NTM: variants seen among roughly 807,000 people sequenced by gnomAD.
The protein encoded by NTM is IgLON family member 2.
In NTM, 13 loss-of-function variants were observed where a neutral mutation model predicts 42.1. That is an observed-to-expected ratio of 0.31 (90% CI 0.20 to 0.49). NTM has a LOEUF of 0.49. NTM is among the 20% of genes least tolerant of loss of function. NTM has a pLI of 0.99. For synonymous variants in NTM, 187 were observed against 179.2 expected, an observed-to-expected ratio of 1.04 and a Z score of -0.35; for missense variants, 373 against 452.8, an observed-to-expected ratio of 0.82 and a Z score of 1.60.
chr11:132,268,664 C>CTG lies in NTM; in HGVS notation c.527-39024_527-39023insGT, dbSNP rs1396992687. Among the ~76,000 whole-genome samples the CTG allele has an allele frequency of 2.7e-3, 157 of 57,160 alleles. 1 individual carries two copies. Among genetic ancestry groups the CTG allele is most frequent in the African/African-American group, 9.8e-3 (150 of 15,296 alleles). The allele number at this position is 57,160 out of a possible 152,430, so 37.5% of individuals were successfully genotyped here. On this transcript the variant is annotated intron_variant, in intron 4 of 8. Coordinates refer to ENST00000683400, the MANE Select transcript of NTM (RefSeq NM_001352005.2). ...GTGTTTGTGGTGTGGGGTCCTCTCT[C>CTG]TCTCTCTGTGTGTGTGTGTGTGTGT...
At position 131,578,650 on chromosome 11, in the gene NTM, T is replaced by C. The variant is rs574280158; in HGVS notation, c.82+207762T>C. On this transcript the variant is annotated intron_variant, in intron 1 of 8. Transcript: ENST00000683400. The stretch of plus-strand genomic sequence containing the variant: ...TATATGAAATTCAAAATTGGCTTTG[T>C]TACTTCCCAGCTGTGAACCCTTATG... Among the ~76,000 whole-genome samples the C allele has an allele frequency of 2.0e-5, 3 of 152,322 alleles. No individual in the cohort carries two copies. In the East Asian group the frequency reaches 5.8e-4, roughly 29 times the overall value.
At chr11:131,972,658 T>C (rs2063726376) in intron 2 of NTM, among the ~76,000 whole-genome samples, 1 of 152,196 alleles carries the variant, frequency 6.6e-6, no homozygotes, top group Admixed American at 6.5e-5. Context: ...TCCACATTGC[T>C]TTTCTGTTCA....
intron 1 of NTM, among the ~76,000 whole-genome samples, chr11:131,565,830 A>C (rs903679833): frequency 1.1e-4 from 16 of 152,150 alleles, no homozygotes. Context: ...TCCTCAGCAC[A>C]ACCATGTAAC....
intron 2 of NTM, among the ~76,000 whole-genome samples, chr11:132,137,143 T>G (rs2068086883): frequency 1.3e-5 from 2 of 152,260 alleles, no homozygotes; most frequent in Admixed American, 1.3e-4. Flanking sequence ...AGTGTCGATT[T>G]GGACAACTGC....
At chr11:132,197,374 G>A (rs987978439) in intron 3 of NTM, among the ~76,000 whole-genome samples, 4 of 151,984 alleles carry the variant, frequency 2.6e-5, no homozygotes, top group Admixed American at 2.6e-4. Context: ...ATATTTGTGT[G>A]TGTAATTCTA....
intron 1 of NTM, among the ~76,000 whole-genome samples, chr11:131,697,624 T>C (rs1004169792): frequency 4.6e-5 from 7 of 152,244 alleles, no homozygotes; most frequent in Admixed American, 4.6e-4. Context: ...TGTTTAACCA[T>C]TCCTTGAGAT....
At chr11:131,681,650 T>C (rs1404229882) in intron 1 of NTM, among the ~76,000 whole-genome samples, 6 of 71,174 alleles carry the variant, frequency 8.4e-5, no homozygotes, top group African/African-American at 2.1e-4. Context: ...TGTGTTTCTG[T>C]GTCTGTGTGT....
At position 131,873,537 on chromosome 11, in the gene NTM, T is replaced by TGTATATATATACGTATATATATACC. The variant is rs2048025849; in HGVS notation, c.83-38015_83-38014insGTATATATATACCGTATATATATAC. On this transcript the variant is annotated intron_variant, in intron 1 of 8. Coordinates refer to ENST00000683400, the MANE Select transcript of NTM (RefSeq NM_001352005.2). ...AGAACTTAAAGTGTGTGTGTGTGTG[T>TGTATATATATACGTATATATATACC]GTATATATATACATATATATATACC... Among the ~76,000 whole-genome samples the TGTATATATATACGTATATATATACC allele has an allele frequency of 2.8e-5, 2 of 72,112 alleles. 1 individual carries two copies. The highest frequency in any genetic ancestry group is 7.7e-5 in the African/African-American group (2 of 26,142). The allele number at this position is 72,112 out of a possible 152,430, so 47.3% of individuals were successfully genotyped here.
chr11:131,572,298 G>C (rs1213067341), intron 1 of NTM, among the ~76,000 whole-genome samples: 1 of 152,116 alleles, frequency 6.6e-6, no homozygotes. Context: ...TCTGTGACAA[G>C]ATTCCCATCC....
chr11:131,626,470 A>G (rs542279938), intron 1 of NTM, among the ~76,000 whole-genome samples: 1 of 152,326 alleles, frequency 6.6e-6, no homozygotes, highest in South Asian at 2.1e-4. Context: ...TCACACTTAT[A>G]GGGAAGTTGT....
chr11:132,136,125 G>A (rs2067875574), intron 2 of NTM, among the ~76,000 whole-genome samples: 1 of 152,196 alleles, frequency 6.6e-6, no homozygotes, highest in South Asian at 2.1e-4. Context: ...GGCTCTACAG[G>A]ATAGGGACAG....
intron 1 of NTM, among the ~76,000 whole-genome samples, chr11:131,563,207 CA>C (rs1565642736): frequency 6.6e-6 from 1 of 152,006 alleles, no homozygotes; most frequent in Non-Finnish European, 1.5e-5. Flanking sequence ...AGAATCCATG[CA>C]AGTGCAAATT....
chr11:131,602,284 A>C (rs1876224), intron 1 of NTM, among the ~76,000 whole-genome samples: 72,535 of 151,848 alleles, frequency 0.48, 17,937 homozygotes, highest in East Asian at 0.61. Flanking sequence ...TCTTGATTCA[A>C]CTATTCTCCT....
chr11:131,383,325 C>A (rs1478583421), intron 1 of NTM, among the ~76,000 whole-genome samples: 2 of 152,168 alleles, frequency 1.3e-5, no homozygotes, highest in African/African-American at 4.8e-5. Context: ...TTCCTGCACT[C>A]AGTTAGATAG....
chr11:131,759,660 G>C (rs969909137), intron 1 of NTM, among the ~76,000 whole-genome samples: 1 of 151,470 alleles, frequency 6.6e-6, no homozygotes, highest in Non-Finnish European at 1.5e-5. Flanking sequence ...TTGCCTGAAA[G>C]TGCTCAAGAT....
At chr11:132,045,961 T>C (rs1026915170) in intron 2 of NTM, among the ~76,000 whole-genome samples, 3 of 152,120 alleles carry the variant, frequency 2.0e-5, no homozygotes, top group Non-Finnish European at 4.4e-5. Flanking sequence ...TCTGCATAGG[T>C]TGTGTGTAAA....
chr11:131,888,295 G>T (rs150976215), intron 1 of NTM, among the ~76,000 whole-genome samples: 1 of 151,928 alleles, frequency 6.6e-6, no homozygotes, highest in African/African-American at 2.4e-5. Context: ...AGTGAGACTC[G>T]ATCTCAAAAA....
At chr11:132,049,510 C>T (rs765982802) in intron 2 of NTM, among the ~76,000 whole-genome samples, 1 of 152,198 alleles carries the variant, frequency 6.6e-6, no homozygotes, top group Non-Finnish European at 1.5e-5. Flanking sequence ...AGAGGATCAG[C>T]TCCTCCAACA....
chr11:132,210,068 T>C (rs1435438490), intron 3 of NTM, among the ~76,000 whole-genome samples: 1 of 152,008 alleles, frequency 6.6e-6, no homozygotes, highest in East Asian at 1.9e-4. Context: ...CCCATCTGAT[T>C]TTAGTGTGAG....
Sources: allele counts gnomAD v4.1 joint callset (sites outside exome capture counted in the v4.1 genomes callset), GRCh38; gene constraint gnomAD v4.1.1; transcripts MANE v1.5; gene names NCBI Gene and HGNC (gene_info 2026-07-23, HGNC 2026-07-21).